SATB1: variants seen among roughly 807,000 people sequenced by gnomAD.
SATB1 encodes the protein DNA-binding protein SATB1.
SATB1 carries 11 observed loss-of-function variants against 86.9 expected under a neutral mutation model. That is an observed-to-expected ratio of 0.13 (90% CI 0.08 to 0.21). The LOEUF (loss-of-function observed/expected upper bound fraction) is 0.21. Ranked by LOEUF, SATB1 falls within the 10% of genes least tolerant of loss-of-function variation. SATB1 has a pLI of 1.00. For synonymous variants in SATB1, 357 were observed against 357.2 expected (o/e 1.00, Z 0.01); for missense variants, 551 against 937.6 (o/e 0.59, Z 5.39).
intron 9 of SATB1, among the ~76,000 whole-genome samples, chr3:18,370,218 T>C (rs1329622461): frequency 6.6e-6 from 1 of 152,182 alleles, no homozygotes; most frequent in Non-Finnish European, 1.5e-5. Flanking sequence ...TATTTTGGAA[T>C]GATAAGCAGC....
rs1464972432 is a variant in SATB1 at position 18,425,209 on chromosome 3, C to CAAAAT, written c.-1612_-1608dup. On this transcript the variant is annotated 5_prime_UTR_variant, in exon 1 of 11. Transcript: ENST00000338745. The stretch of plus-strand genomic sequence containing the variant: ...CTTCTTCCTCCTCCTCATTTTAATA[C>CAAAAT]AAAATCACCCCGCTCGCAGCCCCAG... 1 of 160,238 alleles carries CAAAAT rather than the reference C, an allele frequency of 6.2e-6. No individual in the cohort carries two copies. The highest frequency in any genetic ancestry group is 1.4e-5 in the Non-Finnish European group (1 of 73,860). The allele number at this position is 160,238 out of a possible 1,614,324, so 9.9% of individuals were successfully genotyped here.
chr3:18,389,913 G>A (rs1317144404), intron 7 of SATB1, among the ~76,000 whole-genome samples: 1 of 152,064 alleles, frequency 6.6e-6, no homozygotes, highest in Non-Finnish European at 1.5e-5. Context: ...TTAGATGTGT[G>A]CTGTATCTAT....
At chr3:18,372,004 G>C (rs1166055850) in intron 9 of SATB1, among the ~76,000 whole-genome samples, 2 of 152,154 alleles carry the variant, frequency 1.3e-5, no homozygotes, top group Non-Finnish European at 2.9e-5. Flanking sequence ...TGACAAAGCT[G>C]AATACAGAAG....
At position 18,352,863 on chromosome 3, in the gene SATB1, G is replaced by C. The variant is rs1694440199; in HGVS notation, c.1576-668C>G. 1 of 152,426 alleles carries C rather than the reference G, an allele frequency of 6.6e-6. No homozygotes were observed. Among genetic ancestry groups the C allele is most frequent in the South Asian group, 2.1e-4 (1 of 4,840 alleles). The allele number at this position is 152,426 out of a possible 1,614,324, so 9.4% of individuals were successfully genotyped here. A position where few individuals can be genotyped will look rare whatever the true frequency, so the allele number is the denominator to read the frequency against. ...GATTTGTCAGGCAAGAATTTAATAG[G>C]TTTCTTGGGCTAAGAGAGAAGGAAA... On this transcript the variant is annotated intron_variant, in intron 9 of 10. Transcript: ENST00000338745. The surrounding 1 kb of genome is among the most constrained non-coding windows in gnomAD (Gnocchi z 4.1).
chr3:18,442,719 A>T (rs1232092905), upstream of SATB1, among the ~76,000 whole-genome samples: 1 of 152,224 alleles, frequency 6.6e-6, no homozygotes, highest in African/African-American at 2.4e-5. Flanking sequence ...TGCACTTATT[A>T]TAACCTTTTC....
intron 1 of SATB1, among the ~76,000 whole-genome samples, chr3:18,422,490 C>T (rs2125175098): frequency 6.6e-6 from 1 of 152,160 alleles, no homozygotes; most frequent in South Asian, 2.1e-4. Context: ...AAAGGTTTAC[C>T]GTTGATAGAG....
At chr3:18,353,311 C>T (rs931991964) in intron 9 of SATB1, among the ~76,000 whole-genome samples, 1 of 152,100 alleles carries the variant, frequency 6.6e-6, no homozygotes, top group Non-Finnish European at 1.5e-5. Context: ...GACAGTCATC[C>T]CCATTCTTCT....
chr3:18,354,143 G>T (rs1302953239), intron 9 of SATB1, among the ~76,000 whole-genome samples: 1 of 152,168 alleles, frequency 6.6e-6, no homozygotes, highest in Non-Finnish European at 1.5e-5. Context: ...AACATCTGAA[G>T]TATCTGAGAC....
intron 9 of SATB1, among the ~76,000 whole-genome samples, chr3:18,375,500 T>G (rs769615898): frequency 6.6e-6 from 1 of 152,200 alleles, no homozygotes; most frequent in Non-Finnish European, 1.5e-5. Flanking sequence ...CTTGGGGGAC[T>G]GCTGCCTCAT....
In SATB1 at chr3:18,444,303, G is replaced by A. The variant is rs1312572462; in HGVS notation, c.-25+1215C>T. ...ACCTGAAGGAGTTTGTTCAGCCAGGGTCTATTGGGCAGGTGTGGTGGTGTG... is the reference window on the plus strand; with the variant it reads ...ACCTGAAGGAGTTTGTTCAGCCAGGATCTATTGGGCAGGTGTGGTGGTGTG... On this transcript the variant is annotated intron_variant, in intron 1 of 3. Transcript: ENST00000415069. This position sits in a 1 kb window ranked among gnomAD's most constrained non-coding sequence, Gnocchi z 5.1. Among the ~76,000 whole-genome samples, 2 of 151,992 alleles carry A rather than the reference G, an allele frequency of 1.3e-5. No homozygotes were observed. The highest frequency in any genetic ancestry group is 2.9e-5 in the Non-Finnish European group (2 of 68,006).
At chr3:18,371,959 C>T (rs558750130) in intron 9 of SATB1, among the ~76,000 whole-genome samples, 3 of 152,290 alleles carry the variant, frequency 2.0e-5, no homozygotes, top group South Asian at 2.1e-4. Context: ...TTTCTGTACC[C>T]ACCCGAACCT....
intron 5 of SATB1, among the ~76,000 whole-genome samples, chr3:18,411,615 C>T (rs1372039926): frequency 6.6e-6 from 1 of 151,916 alleles, no homozygotes; most frequent in African/African-American, 2.4e-5. Context: ...ACTACAGGCT[C>T]TCTTGTCCCC....
intron 1 of SATB1, 94 bp from the exon 2 acceptor site, chr3:18,421,085 TC>T: frequency 1.3e-6 from 1 of 769,430 alleles, no homozygotes; most frequent in Non-Finnish European, 2.1e-6. Context: ...TAGATATCTC[TC>T]CACAAATATA....
chr3:18,399,541 C>T (rs1159748314), intron 5 of SATB1, among the ~76,000 whole-genome samples: 2 of 152,118 alleles, frequency 1.3e-5, no homozygotes, highest in Non-Finnish European at 2.9e-5. Context: ...TGTAATAGTG[C>T]TATACAGTTT....
chr3:18,405,428 A>G (rs1460405484), intron 5 of SATB1, among the ~76,000 whole-genome samples: 1 of 151,890 alleles, frequency 6.6e-6, no homozygotes, highest in African/African-American at 2.4e-5. Flanking sequence ...AACAAAACCA[A>G]AAAACCCTTA....
chr3:18,412,019 T>A (rs755095125), intron 5 of SATB1, among the ~76,000 whole-genome samples: 1 of 151,950 alleles, frequency 6.6e-6, no homozygotes, highest in Non-Finnish European at 1.5e-5. Context: ...GTCACCAAAC[T>A]AGAGTGCAGT....
At chr3:18,385,891 C>G (rs886640299) in intron 8 of SATB1, among the ~76,000 whole-genome samples, 1 of 152,132 alleles carries the variant, frequency 6.6e-6, no homozygotes, top group Non-Finnish European at 1.5e-5. Context: ...AATTCCTTAT[C>G]AGCCCCATTT....
chr3:18,374,331 G>A (rs1298576311), intron 9 of SATB1, among the ~76,000 whole-genome samples: 1 of 152,114 alleles, frequency 6.6e-6, no homozygotes, highest in Admixed American at 6.6e-5. Flanking sequence ...CCTTGATACT[G>A]TAATGGTTAT....
chr3:18,406,018 T>C (rs1158686505), intron 5 of SATB1, among the ~76,000 whole-genome samples: 3 of 151,928 alleles, frequency 2.0e-5, no homozygotes, highest in African/African-American at 7.2e-5. Context: ...TATGGCGAAA[T>C]GATAAAAATG....
Sources: allele counts gnomAD v4.1 joint callset (sites outside exome capture counted in the v4.1 genomes callset), GRCh38; gene constraint gnomAD v4.1.1; non-coding constraint Gnocchi (gnomAD v3.1); transcripts MANE v1.5; gene names NCBI Gene and HGNC (gene_info 2026-07-23, HGNC 2026-07-21).